The following URGCP variants were observed in gnomAD, a reference collection of about 807,000 sequenced individuals.
URGCP encodes the protein upregulator of cell proliferation.
A neutral mutation model predicts 24.6 loss-of-function variants in URGCP; 13 were observed. The ratio of observed to expected loss-of-function variants is 0.53; its 90% CI spans 0.34 to 0.84. The LOEUF (loss-of-function observed/expected upper bound fraction) is 0.84, where lower values mean the gene tolerates loss of function less well. Ranked by LOEUF, URGCP falls within the 40% of genes least tolerant of loss-of-function variation. The probability of loss-of-function intolerance (pLI) is 0.01; values close to 1 mark genes in which losing one functional copy is unlikely to be tolerated. For synonymous variants in URGCP, 444 were observed against 487.2 expected, an observed-to-expected ratio of 0.91 and a Z score of 1.17; for missense variants, 899 against 1,194.3, an observed-to-expected ratio of 0.75 and a Z score of 3.64.
chr7:43,877,256 G>C lies in URGCP; in HGVS notation c.2207C>G (p.Ala736Gly). The C allele has an allele frequency of 6.2e-7, 1 of 1,614,104 alleles. No individual in the cohort carries two copies. The highest frequency in any genetic ancestry group is 8.5e-7 in the Non-Finnish European group (1 of 1,180,026). The part of the protein sequence containing the change: ...RGAFMQLITV[A>G]EGFSQDLGCD... ...GCCCAGGTCCTGGCTGAAGCCCTCA[G>C]CCACTGTGATGAGCTGCATGAAGGC... The change falls in exon 6 of 6, where the codon GCT (alanine) becomes GGT (glycine). Residue 736 changes from alanine (A) to glycine (G), a missense_variant. Coordinates refer to ENST00000453200, the MANE Select transcript of URGCP (RefSeq NM_001077663.3).
At chr7:43,887,523 T>C (rs763565341) in intron 2 of URGCP, 38 bp from the exon 3 acceptor site, 1 of 1,608,452 alleles carries the variant, frequency 6.2e-7, no homozygotes, top group South Asian at 1.1e-5. Flanking sequence ...ATTAAAAAAA[T>C]GGAATACCAC....
At position 43,882,172 on chromosome 7, in the gene URGCP, C is replaced by T. The variant is rs950070432; in HGVS notation, c.113-215G>A. On this transcript the variant is annotated intron_variant, in intron 3 of 5. Coordinates refer to ENST00000453200, the MANE Select transcript of URGCP (RefSeq NM_001077663.3). Reference sequence around the variant, plus strand: ...TAAAAAATTAGGCCAGGCATGGTGGCTCATGCCTGTAATCTCAGCACTTTG... The same window carrying T: ...TAAAAAATTAGGCCAGGCATGGTGGTTCATGCCTGTAATCTCAGCACTTTG... 10 of 591,562 alleles carry T rather than the reference C, an allele frequency of 1.7e-5. No individual in the cohort carries two copies. In the African/African-American group the frequency reaches 1.8e-4, roughly 10 times the overall value. The allele number at this position is 591,562 out of a possible 1,614,324, so 36.6% of individuals were successfully genotyped here.
chr7:43,926,518 C>CCCG, upstream of URGCP: 1 of 1,528,668 alleles, frequency 6.5e-7, no homozygotes, highest in Non-Finnish European at 8.8e-7. Context: ...CCCGGGTCCC[C>CCCG]GGCAGCGGGG....
intron 3 of URGCP, among the ~76,000 whole-genome samples, chr7:43,884,860 G>A (rs1257963843): frequency 6.6e-6 from 1 of 152,094 alleles, no homozygotes; most frequent in African/African-American, 2.4e-5. Context: ...AGAATCTTCA[G>A]AGTTGAGTAA....
intron 1 of URGCP, among the ~76,000 whole-genome samples, chr7:43,914,320 G>A (rs551830485): frequency 1.3e-5 from 2 of 152,180 alleles, no homozygotes; most frequent in South Asian, 4.1e-4. Context: ...TGGGAAACAT[G>A]GTAAAACCGC....
At chr7:43,899,732 T>C (rs1585820159) in intron 1 of URGCP, among the ~76,000 whole-genome samples, 1 of 152,046 alleles carries the variant, frequency 6.6e-6, no homozygotes, top group Non-Finnish European at 1.5e-5. Context: ...CACAAAAACC[T>C]GGAAAAAAAA....
intron 1 of URGCP, among the ~76,000 whole-genome samples, chr7:43,917,519 A>G (rs753696227): frequency 1.3e-5 from 2 of 152,200 alleles, no homozygotes; most frequent in Non-Finnish European, 2.9e-5. Flanking sequence ...AGCTTCTGCC[A>G]TTTTACAGTG....
intron 1 of URGCP, among the ~76,000 whole-genome samples, chr7:43,898,983 A>G (rs2095884432): frequency 6.7e-6 from 1 of 149,438 alleles, no homozygotes; most frequent in Non-Finnish European, 1.5e-5. Context: ...AAAGTACGAA[A>G]ATTAGCCAGG....
Position 43,877,657 on chromosome 7 carries a change from C to T in URGCP, c.1806G>A (p.Val602=). 1 of 1,614,118 alleles carries T rather than the reference C, an allele frequency of 6.2e-7. No individual in the cohort carries two copies. Among genetic ancestry groups the T allele is most frequent in the Admixed American group, 1.7e-5 (1 of 60,026 alleles). The change falls in exon 6 of 6, where the codon GTG becomes GTA. Residue 602 remains valine, a synonymous_variant. Coordinates refer to ENST00000453200, the MANE Select transcript of URGCP (RefSeq NM_001077663.3). ...LRPKHGGTTD[V]GEPLWPEPLG... is the part of the protein sequence containing the mutation. ...GGGGCTCAGGCCAGAGCGGCTCCCC[C>T]ACGTCTGTGGTGCCCCCATGCTTTG...
intron 1 of URGCP, among the ~76,000 whole-genome samples, chr7:43,921,093 G>A (rs1320533345): frequency 2.6e-5 from 4 of 152,202 alleles, no homozygotes; most frequent in South Asian, 2.1e-4. Context: ...TTGCAAAACC[G>A]AGGCGGGCGG....
chr7:43,885,674 A>G (rs2095861099), intron 3 of URGCP, among the ~76,000 whole-genome samples: 1 of 152,186 alleles, frequency 6.6e-6, no homozygotes, highest in Non-Finnish European at 1.5e-5. Flanking sequence ...AAGACAACCT[A>G]GCTCACAATA....
intron 1 of URGCP, among the ~76,000 whole-genome samples, chr7:43,895,280 G>T (rs971140572): frequency 6.6e-6 from 1 of 152,048 alleles, no homozygotes; most frequent in African/African-American, 2.4e-5. Flanking sequence ...ACATATATAT[G>T]GCCAAGAAAT....
chr7:43,885,433 A>T (rs2095860696), intron 3 of URGCP, among the ~76,000 whole-genome samples: 1 of 152,100 alleles, frequency 6.6e-6, no homozygotes, highest in African/African-American at 2.4e-5. Flanking sequence ...CTTGTTTTTA[A>T]TCCTATAGGC....
At chr7:43,905,552 G>A (rs1267691698) in intron 1 of URGCP, 2 of 152,222 alleles carry the variant, frequency 1.3e-5, no homozygotes, top group Non-Finnish European at 2.9e-5. Flanking sequence ...TCATCTGGAG[G>A]AGGCACGAAA....
upstream of URGCP, among the ~76,000 whole-genome samples, chr7:43,910,151 G>A (rs575063300): frequency 2.6e-5 from 4 of 152,270 alleles, no homozygotes; most frequent in Non-Finnish European, 5.9e-5. Flanking sequence ...AAGGCAGAAA[G>A]ATCACTTGAG....
rs1447899635 is a variant in URGCP, at chr7:43,890,524, A to C, written c.15-2708T>G. 3.3e-5 allele frequency among the ~76,000 whole-genome samples: 5 copies of C among 152,128 alleles called. No individual in the cohort carries two copies. In the South Asian group the frequency reaches 6.2e-4, roughly 19 times the overall value. ...AACCACCGCGCCCAGCCATGGAAGC[A>C]ATTTTTAAAAGGTAAATATTCTCTT... On this transcript the variant is annotated intron_variant, in intron 1 of 5. Coordinates refer to ENST00000453200, the MANE Select transcript of URGCP (RefSeq NM_001077663.3).
At chr7:43,911,867 T>G (rs1024966505) in intron 1 of URGCP, among the ~76,000 whole-genome samples, 23 of 152,204 alleles carry the variant, frequency 1.5e-4, no homozygotes, top group African/African-American at 5.5e-4. Context: ...AGTATCTTTT[T>G]TGATCATAAT....
In URGCP at chr7:43,876,784, C is replaced by T. The variant is rs927251549; in HGVS notation, c.2679G>A (p.Leu893=). 1 of 1,614,210 alleles carries T rather than the reference C, an allele frequency of 6.2e-7. No homozygotes were observed. ...HGAPPMAAVS[L]AYSEAIFELK... The stretch of plus-strand genomic sequence containing the variant: ...ATTCAAATATGGCTTCACTGTAGGC[C>T]AAGCTCACTGCGGCCATGGGAGGTG... The change falls in exon 6 of 6, where the codon TTG becomes TTA. Residue 893 remains leucine (L), a synonymous_variant. Coordinates refer to ENST00000453200, the MANE Select transcript of URGCP (RefSeq NM_001077663.3).
intron 1 of URGCP, chr7:43,919,765 T>A (rs189629124): frequency 4.9e-4 from 666 of 1,359,116 alleles, no homozygotes; most frequent in Non-Finnish European, 6.8e-4. Context: ...CCCACCAGCA[T>A]CCAGGTGGCC....
Sources: allele counts gnomAD v4.1 joint callset (sites outside exome capture counted in the v4.1 genomes callset), GRCh38; gene constraint gnomAD v4.1.1; transcripts MANE v1.5; gene names NCBI Gene and HGNC (gene_info 2026-07-23, HGNC 2026-07-21).